Variants in BRD1 observed in about 807,000 individuals in gnomAD.
The protein encoded by BRD1 is bromodomain-containing protein 1.
A neutral mutation model predicts 107.7 loss-of-function variants in BRD1; 24 were observed. The ratio of observed to expected loss-of-function variants is 0.22; its 90% CI spans 0.16 to 0.31. The LOEUF (loss-of-function observed/expected upper bound fraction) is 0.31. Ranked by LOEUF, BRD1 falls within the 10% of genes least tolerant of loss-of-function variation. The probability of loss-of-function intolerance (pLI) is 1.00; values close to 1 mark genes in which losing one functional copy is unlikely to be tolerated. For synonymous variants in BRD1, 744 were observed against 686.1 expected (o/e 1.08, Z -1.32); for missense variants, 1,279 against 1,638.6 (o/e 0.78, Z 3.79).
chr22:49,799,116 C>T lies in BRD1; in HGVS notation c.1528G>A (p.Glu510Lys). Reference sequence around the variant, plus strand: ...GCAGCCTTCATCTCCTCATCATTTTCTCTCTGAGAACAGTGAACACTTCCG... The same window carrying T: ...GCAGCCTTCATCTCCTCATCATTTTTTCTCTGAGAACAGTGAACACTTCCG... ...LQSQRSSQQR[E>K]NDEEMKAAKE... The change falls in exon 4 of 13, where the codon GAA (glutamate) becomes AAA (lysine). Residue 510 changes from glutamate to lysine, a missense_variant. Coordinates refer to ENST00000404760, the MANE Select transcript of BRD1 (RefSeq NM_001304808.3). The T allele has an allele frequency of 6.2e-7, 1 of 1,606,594 alleles. No homozygotes were observed. The highest frequency in any genetic ancestry group is 1.1e-5 in the South Asian group (1 of 91,018).
chr22:49,822,983 C>A lies in BRD1; in HGVS notation c.1335G>T (p.Pro445=). 3 of 1,614,186 alleles carry A rather than the reference C, an allele frequency of 1.9e-6. No homozygotes were observed. The highest frequency in any genetic ancestry group is 2.2e-5 in the South Asian group (2 of 91,062). The change falls in exon 2 of 13, where the codon CCG becomes CCT. Residue 445 remains proline (P), a synonymous_variant. Transcript: ENST00000404760. ...KALAEPCAVL[P]TVCAPYIPPQ... ...GGGGAATATAAGGAGCGCACACGGT[C>A]GGCAGGACCGCGCAGGGCTCAGCCA... is the stretch of plus-strand genomic sequence containing the variant.
rs1023608166 is a variant in BRD1, at chr22:49,776,169, G to A, written c.3122-10C>T. 4 of 1,601,234 alleles carry A rather than the reference G, an allele frequency of 2.5e-6. No individual in the cohort carries two copies. ...CTGCTCTGGCCGACTTCTGCGGAGA[G>A]GGGCGTCAGCAGGACACAGGCGTCA... On this transcript the variant is annotated splice_polypyrimidine_tract_variant and intron_variant, in intron 10 of 12. Transcript: ENST00000404760.
rs1409514863 is a variant in BRD1, at chr22:49,787,753, T to G, written c.2494A>C (p.Thr832Pro). 1 of 1,550,896 alleles carries G rather than the reference T, an allele frequency of 6.4e-7. No individual in the cohort carries two copies. The highest frequency in any genetic ancestry group is 2.0e-5 in the Admixed American group (1 of 51,012). ...PEQSKLFKRV[T>P]FDNESHSACT... ...GCGCTATGTGATTCATTATCAAATG[T>G]GACTCTTTTGAAAAGTTTACTCTGC... is the stretch of plus-strand genomic sequence containing the variant. Residue 832 changes from threonine to proline, a missense_variant, in exon 8 of 13, where the codon ACA becomes CCA. Coordinates refer to ENST00000404760, the MANE Select transcript of BRD1 (RefSeq NM_001304808.3).
Position 49,789,168 on chromosome 22 carries a change from G to A in BRD1, c.2360-1281C>T, listed in dbSNP as rs531118841. Among the ~76,000 whole-genome samples, 9 of 152,312 alleles carry A rather than the reference G, an allele frequency of 5.9e-5. No individual in the cohort carries two copies. In the East Asian group the frequency reaches 7.7e-4, roughly 13 times the overall value. ...CAACAAAAAGCCTCCCGTGTCAGCC[G>A]CAGGGAGCACAGCTGTCATGTGGGA... On this transcript the variant is annotated intron_variant, in intron 7 of 12. Transcript: ENST00000404760.
Position 49,823,605 on chromosome 22 carries a change from T to C in BRD1, c.713A>G (p.Asn238Ser). 1 of 1,609,028 alleles carries C rather than the reference T, an allele frequency of 6.2e-7. No individual in the cohort carries two copies. Among genetic ancestry groups the C allele is most frequent in the Non-Finnish European group, 8.5e-7 (1 of 1,177,028 alleles). The change falls in exon 2 of 13, where the codon AAC (asparagine) becomes AGC (serine). Residue 238 changes from asparagine to serine, a missense_variant. Around this residue, in one of 7 missense-constraint regions of BRD1, gnomAD observed 158 missense variants for 310.2 expected, o/e 0.51. Coordinates refer to ENST00000404760, the MANE Select transcript of BRD1 (RefSeq NM_001304808.3). Reference sequence around the variant, plus strand: ...GTAGCACTCCTGGTGCACGGCCAGGTTGCACATGTCGCAGAAGAGGATCAC... The same window carrying C: ...GTAGCACTCCTGGTGCACGGCCAGGCTGCACATGTCGCAGAAGAGGATCAC... ...SNVILFCDMC[N>S]LAVHQECYGV...
intron 9 of BRD1, 63 bp from the exon 10 acceptor site, chr22:49,777,224 T>TCGTCC (rs2059118550): frequency 1.9e-6 from 3 of 1,595,244 alleles, no homozygotes; most frequent in Non-Finnish European, 2.6e-6. Context: ...CACTCGGGCT[T>TCGTCC]CGTCCCGTGA....
chr22:49,787,300 C>G, intron 8 of BRD1, 90 bp downstream of exon 8: 9 of 157,354 alleles, frequency 5.7e-5, no homozygotes, highest in Middle Eastern at 2.3e-3. Flanking sequence ...AAGCTGGACA[C>G]CCCCCCCCCC....
intron 6 of BRD1, 33 bp from the exon 7 acceptor site, chr22:49,794,327 G>T (rs1308692507): frequency 6.3e-7 from 1 of 1,582,796 alleles, no homozygotes. Context: ...TCAGTCATCA[G>T]GTCCCACGCA....
chr22:49,800,590 A>G (rs947924901), intron 3 of BRD1, among the ~76,000 whole-genome samples: 1 of 152,168 alleles, frequency 6.6e-6, no homozygotes, highest in Non-Finnish European at 1.5e-5. Context: ...TTTATCACGC[A>G]CTGGCTGCTA....
chr22:49,780,679 A>G (rs1378598015), intron 8 of BRD1, among the ~76,000 whole-genome samples: 2 of 152,238 alleles, frequency 1.3e-5, no homozygotes, highest in Non-Finnish European at 2.9e-5. Flanking sequence ...CTGGACCACC[A>G]GAAAATAATC....
chr22:49,789,785 G>A (rs1053947443), intron 7 of BRD1, among the ~76,000 whole-genome samples: 5 of 152,182 alleles, frequency 3.3e-5, no homozygotes, highest in Non-Finnish European at 5.9e-5. Flanking sequence ...TGTCTGGCAG[G>A]AGCCCTGAGA....
At chr22:49,806,717 G>A (rs976131483) in intron 2 of BRD1, 1 of 152,232 alleles carries the variant, frequency 6.6e-6, no homozygotes, top group Non-Finnish European at 1.5e-5. Flanking sequence ...CACACTAGGA[G>A]CCGGGCGCGG....
intron 8 of BRD1, among the ~76,000 whole-genome samples, chr22:49,781,051 G>A (rs961151361): frequency 5.9e-5 from 9 of 152,160 alleles, no homozygotes; most frequent in African/African-American, 9.7e-5. Context: ...TGAGAAATAC[G>A]TTAAAAGAGG....
intron 7 of BRD1, among the ~76,000 whole-genome samples, chr22:49,791,644 G>A (rs1218732974): frequency 6.6e-6 from 1 of 152,146 alleles, no homozygotes; most frequent in Non-Finnish European, 1.5e-5. Context: ...GCTTGTGGCT[G>A]TCTTCCCTAA....
chr22:49,815,306 A>G (rs1601724225), intron 2 of BRD1, among the ~76,000 whole-genome samples: 1 of 152,230 alleles, frequency 6.6e-6, no homozygotes, highest in East Asian at 1.9e-4. Context: ...TGGGAGGCTA[A>G]GGCAGGCGGA....
chr22:49,798,976 G>GCCCAGC lies in BRD1; in HGVS notation c.1656+6_1656+11dup, dbSNP rs2059589195. The stretch of plus-strand genomic sequence containing the variant: ...CAGTGGTGCACTCCACGCGGGACAG[G>GCCCAGC]CCCAGCCCCACCTGCTCACGCTTGA... On this transcript the variant is annotated intron_variant, in intron 4 of 12. Transcript: ENST00000404760. 6.3e-7 allele frequency: 1 copy of GCCCAGC among 1,598,750 alleles called. No individual in the cohort carries two copies. Among genetic ancestry groups the GCCCAGC allele is most frequent in the Non-Finnish European group, 8.5e-7 (1 of 1,173,428 alleles).
At chr22:49,776,452 C>G (rs539826323) in intron 10 of BRD1, among the ~76,000 whole-genome samples, 2 of 152,222 alleles carry the variant, frequency 1.3e-5, no homozygotes, top group Admixed American at 6.5e-5. Flanking sequence ...CTTCTGAGCC[C>G]TCCTTGCCGC....
chr22:49,804,445 A>G (rs1463336814), intron 2 of BRD1, 85 bp from the exon 3 acceptor site: 26 of 1,434,790 alleles, frequency 1.8e-5, no homozygotes. Context: ...TACTACTGCT[A>G]ACAAAACCAT....
intron 2 of BRD1, among the ~76,000 whole-genome samples, chr22:49,810,946 A>G (rs1310707663): frequency 1.3e-5 from 2 of 152,234 alleles, no homozygotes; most frequent in African/African-American, 4.8e-5. Context: ...CTGTTACACA[A>G]ATGTTCAGAG....
Sources: gnomAD v4.1 joint callset for allele counts (sites outside exome capture counted in the v4.1 genomes callset) on GRCh38, gnomAD v4.1.1 for gene constraint, gnomAD v4.1.1 regional missense constraint, MANE v1.5 for transcripts, NCBI Gene and HGNC (gene_info 2026-07-23, HGNC 2026-07-21) for gene names.